The following ANO3 variants were observed in gnomAD, a reference collection of about 807,000 sequenced individuals.
ANO3 encodes anoctamin 3, also known as anoctamin-3.
A neutral mutation model predicts 144.8 loss-of-function variants in ANO3; 99 were observed. The ratio of observed to expected loss-of-function variants is 0.68; its 90% CI spans 0.58 to 0.81. ANO3 has a LOEUF of 0.81. Among genes scored for constraint, ANO3 ranks in the 30% least tolerant of loss-of-function variants. The pLI, the probability that ANO3 is intolerant of heterozygous loss-of-function variation, is 0.00. For missense variants in ANO3, 905 were observed against 1,202.2 expected (o/e 0.75, Z 3.66); for synonymous variants, 414 against 392.6 (o/e 1.05, Z -0.64).
At chr11:26,385,893 G>GTGTGTATATATATATA (rs1183332896) in intron 1 of ANO3, among the ~76,000 whole-genome samples, 110 of 143,772 alleles carry the variant, frequency 7.7e-4, no homozygotes, top group African/African-American at 2.9e-3. Flanking sequence ...CTTTGTGTGT[G>GTGTGTATATATATATA]TATATATATT....
chr11:26,302,855 C>A (rs1411575426), intron 1 of ANO3, among the ~76,000 whole-genome samples: 1 of 151,984 alleles, frequency 6.6e-6, no homozygotes, highest in Non-Finnish European at 1.5e-5. Context: ...CTTAAACCAA[C>A]AAGCAAAAAA....
chr11:26,236,619 C>G (rs1852529997), intron 1 of ANO3, among the ~76,000 whole-genome samples: 2 of 151,956 alleles, frequency 1.3e-5, no homozygotes, highest in South Asian at 4.1e-4. Flanking sequence ...GAGACCAAGA[C>G]CATCCTGGCT....
intron 1 of ANO3, among the ~76,000 whole-genome samples, chr11:26,426,743 A>T (rs1431466327): frequency 1.3e-5 from 2 of 152,186 alleles, no homozygotes; most frequent in African/African-American, 4.8e-5. Context: ...ATGTTAGAAA[A>T]CAAAAATATG....
At chr11:26,447,206 CAA>C (rs11464160) in intron 3 of ANO3, among the ~76,000 whole-genome samples, 6 of 49,850 alleles carry the variant, frequency 1.2e-4, no homozygotes, top group Admixed American at 1.0e-3. Flanking sequence ...GACTCTGCCT[CAA>C]AAAAAAAAAA....
intron 1 of ANO3, among the ~76,000 whole-genome samples, chr11:26,372,051 G>C (rs1181920499): frequency 1.3e-5 from 2 of 152,142 alleles, no homozygotes; most frequent in Non-Finnish European, 2.9e-5. Flanking sequence ...ATATGGTTTG[G>C]CTGTGTCCCC....
intron 17 of ANO3, among the ~76,000 whole-genome samples, chr11:26,614,426 G>A (rs1379925030): frequency 6.6e-6 from 1 of 152,164 alleles, no homozygotes; most frequent in African/African-American, 2.4e-5. Flanking sequence ...AGGCACTATG[G>A]TAGTATGATG....
intron 5 of ANO3, among the ~76,000 whole-genome samples, chr11:26,510,580 C>G (rs1207819755): frequency 6.6e-6 from 1 of 152,180 alleles, no homozygotes; most frequent in African/African-American, 2.4e-5. Context: ...ATTTGTTTTT[C>G]TCACATATCT....
chr11:26,274,960 T>A (rs1179721494), intron 1 of ANO3, among the ~76,000 whole-genome samples: 4 of 151,892 alleles, frequency 2.6e-5, no homozygotes, highest in African/African-American at 9.7e-5. Context: ...CAAATATATA[T>A]TAATTTTTTA....
chr11:26,568,957 T>C (rs1850708640), intron 14 of ANO3, among the ~76,000 whole-genome samples: 1 of 152,116 alleles, frequency 6.6e-6, no homozygotes, highest in Admixed American at 6.6e-5. Flanking sequence ...TTATTTTCTC[T>C]ATATCTAGTT....
At chr11:26,371,246 C>T (rs1005788980) in intron 1 of ANO3, among the ~76,000 whole-genome samples, 3 of 152,234 alleles carry the variant, frequency 2.0e-5, no homozygotes, top group African/African-American at 7.2e-5. Flanking sequence ...TCAGAGTGTG[C>T]AAGCCCCAAG....
At chr11:26,471,286 T>A (rs1196650783) in intron 4 of ANO3, among the ~76,000 whole-genome samples, 1 of 151,856 alleles carries the variant, frequency 6.6e-6, no homozygotes, top group Non-Finnish European at 1.5e-5. Flanking sequence ...TCCAAAACCC[T>A]GAAACATTAC....
At chr11:26,223,033 T>C (rs1349137506) in intron 1 of ANO3, among the ~76,000 whole-genome samples, 1 of 152,122 alleles carries the variant, frequency 6.6e-6, no homozygotes, top group Non-Finnish European at 1.5e-5. Flanking sequence ...TGGACTCTTC[T>C]GAAGATGCTT....
In ANO3 at chr11:26,639,127, C is replaced by G; in HGVS notation, c.2044-17C>G. On this transcript the variant is annotated splice_polypyrimidine_tract_variant and intron_variant, in intron 20 of 26. Transcript: ENST00000256737. Reference sequence around the variant, plus strand: ...GAAGAAGACCAATATCATTATTGCTCTTATGTTCTATTTCAGTGTCATCCT... The same window carrying G: ...GAAGAAGACCAATATCATTATTGCTGTTATGTTCTATTTCAGTGTCATCCT... 1 of 1,550,334 alleles carries G rather than the reference C, an allele frequency of 6.5e-7. No individual in the cohort carries two copies.
At chr11:26,372,080 A>C (rs887881098) in intron 1 of ANO3, among the ~76,000 whole-genome samples, 18 of 152,294 alleles carry the variant, frequency 1.2e-4, no homozygotes, top group Admixed American at 9.8e-4. Context: ...CTCATCTTGA[A>C]TTGTAGTTCC....
chr11:26,406,419 G>C (rs932537057), intron 1 of ANO3, among the ~76,000 whole-genome samples: 1 of 151,718 alleles, frequency 6.6e-6, no homozygotes, highest in Non-Finnish European at 1.5e-5. Flanking sequence ...TCAAACCATA[G>C]CAACCACTGA....
chr11:26,543,761 A>G (rs1347333860), intron 11 of ANO3, among the ~76,000 whole-genome samples: 1 of 152,070 alleles, frequency 6.6e-6, no homozygotes, highest in African/African-American at 2.4e-5. Flanking sequence ...TTCCAGCTTC[A>G]TCCATGTCAC....
At chr11:26,307,658 G>A (rs1194640413), upstream of ANO3, among the ~76,000 whole-genome samples, 2 of 151,014 alleles carry the variant, frequency 1.3e-5, no homozygotes, top group Middle Eastern at 3.2e-3. Context: ...GGTGGAGGTC[G>A]CAGTGAGCAG....
At chr11:26,635,439 C>A (rs1852924799) in intron 20 of ANO3, among the ~76,000 whole-genome samples, 1 of 151,962 alleles carries the variant, frequency 6.6e-6, no homozygotes, top group Non-Finnish European at 1.5e-5. Context: ...GAAACACCAA[C>A]ATGTAATTAT....
At chr11:26,578,004 C>T (rs1851034730) in intron 14 of ANO3, among the ~76,000 whole-genome samples, 1 of 152,138 alleles carries the variant, frequency 6.6e-6, no homozygotes, top group African/African-American at 2.4e-5. Flanking sequence ...CATGGAAGGC[C>T]TGCTACTATT....
Sources: gnomAD v4.1 joint callset for allele counts (sites outside exome capture counted in the v4.1 genomes callset) on GRCh38, gnomAD v4.1.1 for gene constraint, MANE v1.5 for transcripts, NCBI Gene and HGNC (gene_info 2026-07-23, HGNC 2026-07-21) for gene names.